MANEA: variants seen among roughly 807,000 people sequenced by gnomAD.
MANEA encodes the protein mannosidase endo-alpha.
In MANEA, 25 loss-of-function variants were observed where a neutral mutation model predicts 36.8. The observed-to-expected ratio is 0.68, with a 90% CI of 0.50 to 0.95. The LOEUF is 0.95. Ranked by LOEUF, MANEA falls within the 40% of genes least tolerant of loss-of-function variation. The pLI is 0.00. For missense variants in MANEA, 565 were observed against 558.8 expected (o/e 1.01, Z -0.11); for synonymous variants, 198 against 188.5 (o/e 1.05, Z -0.41).
At chr6:95,593,749 T>C (rs1298672946) in intron 2 of MANEA, among the ~76,000 whole-genome samples, 1 of 151,928 alleles carries the variant, frequency 6.6e-6, no homozygotes, top group Non-Finnish European at 1.5e-5. Context: ...GATGATAGTA[T>C]AAAGATGGAA....
intron 1 of MANEA, among the ~76,000 whole-genome samples, chr6:95,580,336 A>G (rs550375609): frequency 2.0e-5 from 3 of 152,308 alleles, no homozygotes; most frequent in African/African-American, 7.2e-5. Context: ...GTTATGCTCT[A>G]CTAGAATGTG....
intron 3 of MANEA, among the ~76,000 whole-genome samples, chr6:95,604,056 A>AGGTGTGTGTGTGTGTGTG (rs1318756717): frequency 1.9e-4 from 11 of 58,536 alleles, no homozygotes; most frequent in African/African-American, 4.9e-4. Context: ...GTATATATGT[A>AGGTGTGTGTGTGTGTGTG]TGTAGGTGTG....
intron 3 of MANEA, among the ~76,000 whole-genome samples, chr6:95,604,436 T>A (rs1582231370): frequency 6.6e-6 from 1 of 152,058 alleles, no homozygotes; most frequent in East Asian, 1.9e-4. Flanking sequence ...AACATTTTTA[T>A]AAGGAGTAAA....
rs7748888 is a variant in MANEA at position 95,608,130 on chromosome 6, C to A, written c.*1725C>A. ...AAATCACTATACTGATATTTTGATA[C>A]AAGCAAGCACTTACATGGTAATCAC... On this transcript the variant is annotated 3_prime_UTR_variant, in exon 5 of 5. Coordinates refer to ENST00000358812, the MANE Select transcript of MANEA (RefSeq NM_024641.4). The A allele has an allele frequency of 6.6e-6, 1 of 151,468 alleles. No individual in the cohort carries two copies. Among genetic ancestry groups the A allele is most frequent in the Admixed American group, 6.6e-5 (1 of 15,192 alleles). The allele number at this position is 151,468 out of a possible 1,614,324, so 9.4% of individuals were successfully genotyped here. A position where few individuals can be genotyped will look rare whatever the true frequency, so the allele number is the denominator to read the frequency against.
chr6:95,599,710 G>C (rs1376012620), intron 3 of MANEA, among the ~76,000 whole-genome samples: 1 of 152,208 alleles, frequency 6.6e-6, no homozygotes, highest in African/African-American at 2.4e-5. Context: ...TGGAACTGTA[G>C]GGAGTGAGAA....
chr6:95,596,626 C>A lies in MANEA; in HGVS notation c.545-111C>A. 6.8e-6 allele frequency: 4 copies of A among 583,980 alleles called. No individual in the cohort carries two copies. The South Asian group carries it at 8.5e-5, about 12-fold the overall frequency. 36.2% of individuals were successfully genotyped at this position (583,980 alleles called of 1,614,324 possible). ...CTGAAGGAACTTAACAAAACCACCT[C>A]GTATAAATATGTTCTTCTATTGTTA... On this transcript the variant is annotated intron_variant, in intron 2 of 4. Transcript: ENST00000358812.
intron 2 of MANEA, among the ~76,000 whole-genome samples, chr6:95,593,021 G>GC (rs1456121580): frequency 2.0e-5 from 3 of 152,140 alleles, no homozygotes; most frequent in Admixed American, 1.3e-4. Flanking sequence ...TTTGCATTTA[G>GC]TTTGCTAATA....
chr6:95,585,138 A>G (rs982418970), intron 1 of MANEA, among the ~76,000 whole-genome samples: 5 of 25,748 alleles, frequency 1.9e-4, no homozygotes, highest in South Asian at 5.3e-3. Context: ...TTATACTCAT[A>G]TATATATATA....
chr6:95,579,597 A>C (rs1016060107), intron 1 of MANEA, among the ~76,000 whole-genome samples: 3 of 152,218 alleles, frequency 2.0e-5, no homozygotes, highest in African/African-American at 7.2e-5. Flanking sequence ...AAAAAGCACC[A>C]GAAGTCTGTG....
At chr6:95,602,040 C>T (rs1769603709) in intron 3 of MANEA, among the ~76,000 whole-genome samples, 1 of 151,950 alleles carries the variant, frequency 6.6e-6, no homozygotes, top group Non-Finnish European at 1.5e-5. Context: ...TAGTCATGGC[C>T]TCTCCTTTTT....
chr6:95,581,644 A>T (rs1177928192), intron 1 of MANEA, among the ~76,000 whole-genome samples: 1 of 152,210 alleles, frequency 6.6e-6, no homozygotes, highest in Non-Finnish European at 1.5e-5. Context: ...GAAAAGGCTA[A>T]GTGATTTACC....
At position 95,586,714 on chromosome 6, in the gene MANEA, A is replaced by G. The variant is rs1167057083; in HGVS notation, c.275A>G (p.Asn92Ser). The change falls in exon 2 of 5, where the codon AAC (asparagine) becomes AGC (serine). Residue 92 changes from asparagine (N) to serine (S), a missense_variant. Coordinates refer to ENST00000358812, the MANE Select transcript of MANEA (RefSeq NM_024641.4). ...TMKPSKASEL[N>S]LDELPPLNNY... is the part of the protein sequence containing the mutation. ...AAACCTTCCAAAGCCTCTGAACTTA[A>G]CTTGGATGAACTACCACCTCTGAAC... 4 of 1,614,030 alleles carry G rather than the reference A, an allele frequency of 2.5e-6. No homozygotes were observed. The Admixed American group carries it at 6.7e-5, about 27-fold the overall frequency.
chr6:95,596,344 C>G (rs1299897489), intron 2 of MANEA, among the ~76,000 whole-genome samples: 2 of 151,986 alleles, frequency 1.3e-5, no homozygotes, highest in Admixed American at 6.6e-5. Flanking sequence ...AAACTATGGA[C>G]TTTAGTGAAT....
intron 3 of MANEA, among the ~76,000 whole-genome samples, chr6:95,602,410 TA>T (rs1295588073): frequency 6.6e-6 from 1 of 152,012 alleles, no homozygotes; most frequent in East Asian, 1.9e-4. Flanking sequence ...TGGCAGGGGA[TA>T]GGGGAGTGTG....
At chr6:95,603,150 T>G (rs1769631769) in intron 3 of MANEA, among the ~76,000 whole-genome samples, 1 of 151,994 alleles carries the variant, frequency 6.6e-6, no homozygotes, top group Non-Finnish European at 1.5e-5. Flanking sequence ...TTTAAATATA[T>G]TGATCTGCGC....
intron 1 of MANEA, among the ~76,000 whole-genome samples, chr6:95,578,693 C>A (rs929226496): frequency 1.5e-4 from 23 of 152,110 alleles, no homozygotes; most frequent in African/African-American, 5.6e-4. Context: ...AGAGCTGTTG[C>A]TGTTATTCGT....
In MANEA at chr6:95,586,540, C is replaced by T. The variant is rs752075801; in HGVS notation, c.101C>T (p.Ala34Val). The T allele has an allele frequency of 6.2e-7, 1 of 1,613,972 alleles. No individual in the cohort carries two copies. Among genetic ancestry groups the T allele is most frequent in the South Asian group, 1.1e-5 (1 of 91,082 alleles). The stretch of plus-strand genomic sequence containing the variant: ...TTAAAAATGCTGAGACCAAATACAG[C>T]TACTTTTGGAGCTCCTTTTGGACTT... ...MGLKMLRPNTATFGAPFGLDL... is the reference protein window; with the variant it reads ...MGLKMLRPNTVTFGAPFGLDL... Residue 34 changes from alanine to valine, a missense_variant, in exon 2 of 5, where the codon GCT becomes GTT. Physicochemically the swap from Ala to Val is moderately conservative, Grantham distance 64. Coordinates refer to ENST00000358812, the MANE Select transcript of MANEA (RefSeq NM_024641.4).
chr6:95,591,225 T>C (rs1422454729), intron 2 of MANEA, among the ~76,000 whole-genome samples: 3 of 152,210 alleles, frequency 2.0e-5, no homozygotes, highest in Non-Finnish European at 2.9e-5. Flanking sequence ...ATCATATTCT[T>C]TCTCTCTTAA....
Position 95,606,712 on chromosome 6 carries a change from C to T in MANEA, c.*307C>T, listed in dbSNP as rs1133503. Reference sequence around the variant, plus strand: ...ATTTTACAATAGATAAATGCTTGTGCTACCTAAAGCACTTAGCACACAGTT... The same window carrying T: ...ATTTTACAATAGATAAATGCTTGTGTTACCTAAAGCACTTAGCACACAGTT... On this transcript the variant is annotated 3_prime_UTR_variant, in exon 5 of 5. Transcript: ENST00000358812. 0.6 allele frequency: 99,460 copies of T among 166,386 alleles called. 30,217 individuals carry two copies. Among genetic ancestry groups the T allele is most frequent in the East Asian group, 0.86 (5,384 of 6,260 alleles). 10.3% of individuals were successfully genotyped at this position (166,386 alleles called of 1,614,324 possible). A position where few individuals can be genotyped will look rare whatever the true frequency, so the allele number is the denominator to read the frequency against.
Sources: gnomAD v4.1 joint callset for allele counts (sites outside exome capture counted in the v4.1 genomes callset) on GRCh38, gnomAD v4.1.1 for gene constraint, MANE v1.5 for transcripts, NCBI Gene and HGNC (gene_info 2026-07-23, HGNC 2026-07-21) for gene names.